DEDD2: variants seen among roughly 807,000 people sequenced by gnomAD.
The protein encoded by DEDD2 is death effector domain containing 2.
DEDD2 carries 18 observed loss-of-function variants against 28.9 expected under a neutral mutation model. That is an observed-to-expected ratio of 0.62 (90% CI 0.43 to 0.92). DEDD2 has a LOEUF of 0.92. Ranked by LOEUF, DEDD2 falls within the 40% of genes least tolerant of loss-of-function variation. The probability of loss-of-function intolerance (pLI) is 0.00; values close to 1 mark genes in which losing one functional copy is unlikely to be tolerated. For synonymous variants in DEDD2, 211 were observed against 206.1 expected (o/e 1.02, Z -0.20); for missense variants, 411 against 463.3 (o/e 0.89, Z 1.04).
At chr19:42,218,953 A>G (rs373327931), upstream of DEDD2, among the ~76,000 whole-genome samples, 510 of 152,312 alleles carry the variant, frequency 3.3e-3, 5 homozygotes, top group African/African-American at 0.012. Context: ...AGGGAGCAGT[A>G]AGCAGAGATA....
upstream of DEDD2, chr19:42,220,117 C>A (rs565385890): frequency 1.3e-5 from 2 of 152,414 alleles, no homozygotes; most frequent in East Asian, 3.9e-4. Context: ...CGACGCTTAG[C>A]CCGGGAGCGA....
At chr19:42,201,795 A>G (rs898882301) in intron 4 of DEDD2, 29 of 389,264 alleles carry the variant, frequency 7.4e-5, no homozygotes, top group Non-Finnish European at 2.7e-5. Flanking sequence ...AGGCCCTCCC[A>G]TGGCATTCAG....
Position 42,208,062 on chromosome 19 carries a change from T to C in DEDD2, c.589+1638A>G, listed in dbSNP as rs371953104. Among the ~76,000 whole-genome samples, 508 of 152,296 alleles carry C rather than the reference T, an allele frequency of 3.3e-3. 5 individuals carry two copies. The highest frequency in any genetic ancestry group is 0.012 in the African/African-American group (492 of 41,558). On this transcript the variant is annotated intron_variant, in intron 4 of 4. Transcript: ENST00000596251. ...CACAATACCCGTGCCACCTGTCACA[T>C]CAGCCTGGCTGCCACTTCCCTCATC... is the stretch of plus-strand genomic sequence containing the variant.
chr19:42,219,236 G>A (rs140874834), upstream of DEDD2, among the ~76,000 whole-genome samples: 3,043 of 151,910 alleles, frequency 0.02, 99 homozygotes, highest in African/African-American at 0.069. Flanking sequence ...CCCTGGAGGC[G>A]GAGGTTGCCG....
intron 4 of DEDD2, among the ~76,000 whole-genome samples, chr19:42,201,294 G>A (rs2035321264): frequency 1.3e-5 from 2 of 152,230 alleles, no homozygotes; most frequent in African/African-American, 4.8e-5. Flanking sequence ...CTTCAGCAGT[G>A]TGACCTGTGA....
chr19:42,212,819 G>C (rs367619660), intron 3 of DEDD2, among the ~76,000 whole-genome samples: 1 of 151,914 alleles, frequency 6.6e-6, no homozygotes, highest in Non-Finnish European at 1.5e-5. Flanking sequence ...GGCTGATCTC[G>C]AACTCCTGGC....
At chr19:42,216,298 G>T (rs1466640178) in intron 2 of DEDD2, among the ~76,000 whole-genome samples, 2 of 152,200 alleles carry the variant, frequency 1.3e-5, no homozygotes, top group African/African-American at 4.8e-5. Context: ...CAGCAAACAG[G>T]ATTGTTATTA....
At chr19:42,203,359 G>T (rs2035406586) in intron 4 of DEDD2, among the ~76,000 whole-genome samples, 1 of 152,182 alleles carries the variant, frequency 6.6e-6, no homozygotes. Flanking sequence ...AGGACAAGTA[G>T]GTTTAGAAAG....
upstream of DEDD2, among the ~76,000 whole-genome samples, chr19:42,218,869 C>T (rs1208880996): frequency 6.6e-6 from 1 of 151,980 alleles, no homozygotes; most frequent in Non-Finnish European, 1.5e-5. Context: ...CCTGTCTGTT[C>T]TTAGCCGGAT....
At chr19:42,207,454 T>C (rs374603926) in intron 4 of DEDD2, among the ~76,000 whole-genome samples, 4 of 152,212 alleles carry the variant, frequency 2.6e-5, no homozygotes, top group Non-Finnish European at 5.9e-5. Flanking sequence ...GCTTCCACAA[T>C]GGCCTCCTCC....
At chr19:42,207,375 G>A (rs1361713847) in intron 4 of DEDD2, among the ~76,000 whole-genome samples, 1 of 152,134 alleles carries the variant, frequency 6.6e-6, no homozygotes, top group Non-Finnish European at 1.5e-5. Context: ...AGCACCCCCA[G>A]GCCAAGGTCT....
At position 42,205,325 on chromosome 19, in the gene DEDD2, C is replaced by G. The variant is rs561205625; in HGVS notation, c.589+4375G>C. On this transcript the variant is annotated intron_variant, in intron 4 of 4. Transcript: ENST00000596251. ...GTAAGGAGTTACTAATCTTTTTTGG[C>G]GTGAAACCCTATTTTTATCTTTGGC... Among the ~76,000 whole-genome samples the G allele has an allele frequency of 3.3e-5, 5 of 152,246 alleles. No individual in the cohort carries two copies. The East Asian group carries it at 9.6e-4, about 29-fold the overall frequency.
intron 4 of DEDD2, among the ~76,000 whole-genome samples, chr19:42,203,193 G>C (rs2035399756): frequency 6.6e-6 from 1 of 152,124 alleles, no homozygotes; most frequent in Admixed American, 6.6e-5. Flanking sequence ...CCCCTATCCT[G>C]TTGGCTACCT....
intron 4 of DEDD2, among the ~76,000 whole-genome samples, chr19:42,207,485 C>T (rs956673589): frequency 6.6e-6 from 1 of 152,160 alleles, no homozygotes; most frequent in African/African-American, 2.4e-5. Context: ...TCCACTCCCC[C>T]CAGGGGCCTC....
Position 42,201,517 on chromosome 19 carries a change from C to A in DEDD2, c.590-1688G>T, listed in dbSNP as rs917902658. Among the ~76,000 whole-genome samples, 5 of 152,268 alleles carry A rather than the reference C, an allele frequency of 3.3e-5. No homozygotes were observed. The South Asian group carries it at 1.0e-3, about 31-fold the overall frequency. ...CCTTGGGGATGCAGTAGAATCAGCC[C>A]TGTGGGGCAGAGGCCACCTTCAGCC... is the stretch of plus-strand genomic sequence containing the variant. On this transcript the variant is annotated intron_variant, in intron 4 of 4. Transcript: ENST00000596251.
In DEDD2 at chr19:42,199,128, T is replaced by C; in HGVS notation, c.*310A>G. 1 of 412,554 alleles carries C rather than the reference T, an allele frequency of 2.4e-6. No individual in the cohort carries two copies. Among genetic ancestry groups the C allele is most frequent in the Admixed American group, 4.2e-5 (1 of 23,996 alleles). 25.6% of individuals were successfully genotyped at this position (412,554 alleles called of 1,614,324 possible). A position where few individuals can be genotyped will look rare whatever the true frequency, so the allele number is the denominator to read the frequency against. ...ACAGCCCAAGATCAGAGATACAATG[T>C]GCAGGGGGGCCTTTGGTGAGTGTGT... On this transcript the variant is annotated 3_prime_UTR_variant, in exon 5 of 5. Coordinates refer to ENST00000596251, the MANE Select transcript of DEDD2 (RefSeq NM_133328.4). The surrounding 1 kb of genome is among the most constrained non-coding windows in gnomAD (Gnocchi z 7.4).
intron 4 of DEDD2, among the ~76,000 whole-genome samples, chr19:42,200,977 A>G (rs1297387184): frequency 6.6e-6 from 1 of 152,168 alleles, no homozygotes; most frequent in Non-Finnish European, 1.5e-5. Context: ...TACACACCCA[A>G]CGAGGCTGTC....
chr19:42,215,299 A>G (rs755023833), intron 2 of DEDD2, 47 bp from the exon 3 acceptor site: 18 of 1,605,006 alleles, frequency 1.1e-5, no homozygotes, highest in Non-Finnish European at 1.5e-5. Context: ...TCCTGGCCCT[A>G]ATTCCCACCC....
intron 4 of DEDD2, among the ~76,000 whole-genome samples, chr19:42,204,000 GA>G (rs1217409038): frequency 1.3e-5 from 2 of 152,358 alleles, no homozygotes; most frequent in East Asian, 3.9e-4. Flanking sequence ...CTGTCCCTGG[GA>G]GGGTGGGGGG....
Sources: gnomAD v4.1 joint callset for allele counts (sites outside exome capture counted in the v4.1 genomes callset) on GRCh38, gnomAD v4.1.1 for gene constraint, Gnocchi (gnomAD v3.1) non-coding constraint, MANE v1.5 for transcripts, NCBI Gene and HGNC (gene_info 2026-07-23, HGNC 2026-07-21) for gene names.